SPOCK1: variants seen among roughly 807,000 people sequenced by gnomAD.
The protein encoded by SPOCK1 is SPARC (osteonectin), cwcv and kazal like domains proteoglycan 1, also known as testican-1.
In SPOCK1, 23 loss-of-function variants were observed where a neutral mutation model predicts 55.3. That is an observed-to-expected ratio of 0.42 (90% CI 0.30 to 0.59). The LOEUF is 0.59. Ranked by LOEUF, SPOCK1 falls within the 20% of genes least tolerant of loss-of-function variation. The probability of loss-of-function intolerance (pLI) is 0.22; values close to 1 mark genes in which losing one functional copy is unlikely to be tolerated. For missense variants in SPOCK1, 499 were observed against 552.5 expected (o/e 0.90, Z 0.97); for synonymous variants, 226 against 221.0 (o/e 1.02, Z -0.20).
chr5:137,222,611 A>C (rs746315391), intron 3 of SPOCK1, among the ~76,000 whole-genome samples: 2 of 152,216 alleles, frequency 1.3e-5, no homozygotes, highest in South Asian at 4.1e-4. Flanking sequence ...ACTGAAAAAG[A>C]AAAAAAGACA....
intron 6 of SPOCK1, among the ~76,000 whole-genome samples, chr5:137,031,142 T>C (rs545828061): frequency 1.3e-5 from 2 of 152,360 alleles, no homozygotes; most frequent in African/African-American, 4.8e-5. Flanking sequence ...TGCGTGGGAC[T>C]CTGTACCATT....
At chr5:137,449,423 T>G (rs1580933398) in intron 2 of SPOCK1, among the ~76,000 whole-genome samples, 4 of 152,344 alleles carry the variant, frequency 2.6e-5, no homozygotes, top group Admixed American at 2.6e-4. Context: ...CTGCTACAAC[T>G]GTGTTTTTTC....
chr5:137,307,430 A>G (rs1757716792), intron 2 of SPOCK1, among the ~76,000 whole-genome samples: 1 of 152,232 alleles, frequency 6.6e-6, no homozygotes, highest in Non-Finnish European at 1.5e-5. Context: ...CTCTCAGCCA[A>G]CATGTTCTGC....
intron 2 of SPOCK1, among the ~76,000 whole-genome samples, chr5:137,270,269 T>C (rs1756936734): frequency 6.6e-6 from 1 of 152,240 alleles, no homozygotes; most frequent in South Asian, 2.1e-4. Context: ...AATTTTATCA[T>C]CTAATGATAA....
intron 2 of SPOCK1, among the ~76,000 whole-genome samples, chr5:137,355,019 C>T (rs1308245712): frequency 6.6e-6 from 1 of 152,124 alleles, no homozygotes; most frequent in African/African-American, 2.4e-5. Flanking sequence ...TCTCGTGCCT[C>T]AGCCTCCTGA....
At chr5:137,341,648 C>T (rs1457825705) in intron 2 of SPOCK1, among the ~76,000 whole-genome samples, 1 of 152,156 alleles carries the variant, frequency 6.6e-6, no homozygotes, top group East Asian at 1.9e-4. Context: ...TTCTGTGTGT[C>T]AGGCACTGTG....
At chr5:137,277,799 C>T (rs1561491441) in intron 2 of SPOCK1, among the ~76,000 whole-genome samples, 1 of 152,196 alleles carries the variant, frequency 6.6e-6, no homozygotes, top group Non-Finnish European at 1.5e-5. Context: ...TACCCTCAGG[C>T]CCAGCCTCAC....
At chr5:137,029,943 C>A (rs772212590) in intron 6 of SPOCK1, among the ~76,000 whole-genome samples, 2 of 152,148 alleles carry the variant, frequency 1.3e-5, no homozygotes, top group Non-Finnish European at 1.5e-5. Flanking sequence ...AGGAAGCATG[C>A]AAGGAGAAAA....
chr5:137,428,924 C>T (rs1013743538), intron 2 of SPOCK1, among the ~76,000 whole-genome samples: 6 of 152,234 alleles, frequency 3.9e-5, no homozygotes, highest in African/African-American at 1.4e-4. Context: ...ATGGAACTCC[C>T]TCCAACCTGA....
At chr5:137,416,306 T>A (rs1424495476) in intron 2 of SPOCK1, among the ~76,000 whole-genome samples, 5 of 149,642 alleles carry the variant, frequency 3.3e-5, no homozygotes, top group African/African-American at 4.9e-5. Context: ...AAAAAAAAAA[T>A]TAAATGCTTC....
chr5:137,053,175 T>G (rs977744410), intron 6 of SPOCK1, among the ~76,000 whole-genome samples: 1 of 152,178 alleles, frequency 6.6e-6, no homozygotes, highest in Admixed American at 6.5e-5. Flanking sequence ...GCATGACCTC[T>G]GAGCCACACT....
At chr5:137,301,319 T>A (rs1178728981) in intron 2 of SPOCK1, among the ~76,000 whole-genome samples, 1 of 152,196 alleles carries the variant, frequency 6.6e-6, no homozygotes, top group Non-Finnish European at 1.5e-5. Flanking sequence ...GTCACTGATA[T>A]TACTCAAAGC....
intron 3 of SPOCK1, among the ~76,000 whole-genome samples, chr5:137,234,061 T>C (rs1317385282): frequency 1.3e-5 from 2 of 152,142 alleles, no homozygotes; most frequent in African/African-American, 4.8e-5. Flanking sequence ...TGAGAAGACA[T>C]CCTGAGTGCC....
chr5:136,984,789 A>T (rs1750807245), intron 9 of SPOCK1, among the ~76,000 whole-genome samples: 1 of 152,208 alleles, frequency 6.6e-6, no homozygotes, highest in Admixed American at 6.5e-5. Context: ...GAAATGCTAT[A>T]ATTTTTAGAC....
chr5:137,001,473 C>T (rs564711166), intron 6 of SPOCK1, among the ~76,000 whole-genome samples: 3 of 152,300 alleles, frequency 2.0e-5, no homozygotes, highest in Admixed American at 2.0e-4. Flanking sequence ...TGAATTCAAG[C>T]CCAGCTCTCT....
At chr5:137,387,705 G>A (rs563302299) in intron 2 of SPOCK1, among the ~76,000 whole-genome samples, 2 of 152,208 alleles carry the variant, frequency 1.3e-5, no homozygotes, top group South Asian at 2.1e-4. Context: ...ATAGTCTTTG[G>A]ATGATAATGA....
At chr5:137,335,462 T>C (rs1008738627) in intron 2 of SPOCK1, among the ~76,000 whole-genome samples, 18 of 152,238 alleles carry the variant, frequency 1.2e-4, no homozygotes, top group African/African-American at 2.9e-4. Context: ...ATTTTTATCA[T>C]GAATATGCAC....
At chr5:137,126,183 T>A (rs1753779312) in intron 4 of SPOCK1, among the ~76,000 whole-genome samples, 1 of 152,142 alleles carries the variant, frequency 6.6e-6, no homozygotes, top group Non-Finnish European at 1.5e-5. Context: ...AAATAATTGT[T>A]AAAAAGAGCC....
At chr5:137,212,673 G>A (rs769349220) in intron 3 of SPOCK1, among the ~76,000 whole-genome samples, 2 of 152,164 alleles carry the variant, frequency 1.3e-5, no homozygotes, top group African/African-American at 2.4e-5. Flanking sequence ...TGACCTAGAG[G>A]CCCTGGGCCA....
Sources: gnomAD v4.1 joint callset for allele counts (sites outside exome capture counted in the v4.1 genomes callset) on GRCh38, gnomAD v4.1.1 for gene constraint, MANE v1.5 for transcripts, NCBI Gene and HGNC (gene_info 2026-07-23, HGNC 2026-07-21) for gene names.